ANGPTL2: variants seen among roughly 807,000 people sequenced by gnomAD.
ANGPTL2 encodes angiopoietin like 2.
Under a neutral mutation model 52.8 loss-of-function variants are expected in ANGPTL2, and 25 were observed. The observed-to-expected ratio is 0.47, with a 90% CI of 0.35 to 0.66. The LOEUF is 0.66. Ranked by LOEUF, ANGPTL2 falls within the 30% of genes least tolerant of loss-of-function variation. The pLI, the probability that ANGPTL2 is intolerant of heterozygous loss-of-function variation, is 0.01. For synonymous variants in ANGPTL2, 276 were observed against 277.4 expected (o/e 1.00, Z 0.05); for missense variants, 546 against 656.9 (o/e 0.83, Z 1.84).
chr9:127,089,146 A>G lies in ANGPTL2; in HGVS notation c.1283-8T>C. 21 of 1,614,024 alleles carry G rather than the reference A, an allele frequency of 1.3e-5. No individual in the cohort carries two copies. The highest frequency in any genetic ancestry group is 1.7e-5 in the Non-Finnish European group (20 of 1,179,964). On this transcript the variant is annotated splice_polypyrimidine_tract_variant and splice_region_variant and intron_variant, in intron 4 of 4. Transcript: ENST00000373425. ...GGTAGTGGGCACAGTTTCCTGCAAG[A>G]GAGAAGGCAGTGAGAGGGTGTCTGG...
intron 4 of ANGPTL2, among the ~76,000 whole-genome samples, chr9:127,090,576 A>G (rs954717603): frequency 6.6e-6 from 1 of 152,200 alleles, no homozygotes; most frequent in Non-Finnish European, 1.5e-5. Context: ...GGGACCTGGC[A>G]TGAGGATCCC....
intron 2 of ANGPTL2, among the ~76,000 whole-genome samples, 185 bp from the exon 3 acceptor site, chr9:127,094,111 C>T (rs1262520274): frequency 6.6e-6 from 1 of 152,130 alleles, no homozygotes; most frequent in Non-Finnish European, 1.5e-5. Flanking sequence ...AGCCTCGGAC[C>T]AGGGGTCAGG....
At position 127,091,973 on chromosome 9, in the gene ANGPTL2, G is replaced by C. The variant is rs763578177; in HGVS notation, c.1012-33C>G. Reference sequence around the variant, plus strand: ...AAACCCAGGAGAGTGTTAATGTGGAGCCTGCAGCACCTGCAGCCAGCAGGC... The same window carrying C: ...AAACCCAGGAGAGTGTTAATGTGGACCCTGCAGCACCTGCAGCCAGCAGGC... On this transcript the variant is annotated intron_variant, in intron 3 of 4. Transcript: ENST00000373425. The surrounding 1 kb of genome is among the most constrained non-coding windows in gnomAD (Gnocchi z 4.3). 1.7e-5 allele frequency: 27 copies of C among 1,604,506 alleles called. No homozygotes were observed. Among genetic ancestry groups the C allele is most frequent in the Non-Finnish European group, 2.1e-5 (25 of 1,173,732 alleles).
chr9:127,106,598 A>G (rs2137032708), intron 2 of ANGPTL2, among the ~76,000 whole-genome samples: 1 of 152,328 alleles, frequency 6.6e-6, no homozygotes, highest in African/African-American at 2.4e-5. Context: ...CAGTGGTGGA[A>G]ACCGGATTTA....
intron 1 of ANGPTL2, among the ~76,000 whole-genome samples, chr9:127,109,143 A>G (rs953723965): frequency 2.6e-5 from 4 of 152,110 alleles, no homozygotes; most frequent in African/African-American, 9.7e-5. Flanking sequence ...AGGCAGAGGG[A>G]GGGTTTTCTG....
chr9:127,088,269 A>G lies in ANGPTL2; in HGVS notation c.*670T>C, dbSNP rs1436695428. 2.0e-5 allele frequency: 3 copies of G among 152,198 alleles called. No individual in the cohort carries two copies. The highest frequency in any genetic ancestry group is 1.5e-5 in the Non-Finnish European group (1 of 68,048). 9.4% of individuals were successfully genotyped at this position (152,198 alleles called of 1,614,324 possible). On this transcript the variant is annotated 3_prime_UTR_variant, in exon 5 of 5. Coordinates refer to ENST00000373425, the MANE Select transcript of ANGPTL2 (RefSeq NM_012098.3). Reference sequence around the variant, plus strand: ...AAAATGTGGGGGGAGGGATTTTGAAATTTGATTAGGTGCCAAAAGGGGTTC... The same window carrying G: ...AAAATGTGGGGGGAGGGATTTTGAAGTTTGATTAGGTGCCAAAAGGGGTTC...
chr9:127,091,623 A>C lies in ANGPTL2; in HGVS notation c.1282+47T>G. 6.3e-7 allele frequency: 1 copy of C among 1,585,126 alleles called. No homozygotes were observed. The highest frequency in any genetic ancestry group is 8.6e-7 in the Non-Finnish European group (1 of 1,164,436). ...GAGTCAGGGGCTCTGGCTCTGGTTG[A>C]CCTCTTTTCCCTACCCTGCACCTGG... On this transcript the variant is annotated intron_variant, in intron 4 of 4. Coordinates refer to ENST00000373425, the MANE Select transcript of ANGPTL2 (RefSeq NM_012098.3). This position sits in a 1 kb window ranked among gnomAD's most constrained non-coding sequence, Gnocchi z 4.3.
chr9:127,089,184 C>T (rs1375450161), intron 4 of ANGPTL2, 46 bp from the exon 5 acceptor site: 1 of 1,598,596 alleles, frequency 6.3e-7, no homozygotes, highest in Non-Finnish European at 8.6e-7. Flanking sequence ...GGAGGCCATT[C>T]TACTTGCGTC....
At chr9:127,115,400 C>T (rs892179719) in intron 1 of ANGPTL2, among the ~76,000 whole-genome samples, 2 of 152,076 alleles carry the variant, frequency 1.3e-5, no homozygotes, top group African/African-American at 2.4e-5. Flanking sequence ...ATGCTGGTTG[C>T]GGTCTTATGT....
chr9:127,111,505 C>T (rs1432926949), intron 1 of ANGPTL2, among the ~76,000 whole-genome samples: 1 of 152,196 alleles, frequency 6.6e-6, no homozygotes, highest in Non-Finnish European at 1.5e-5. Context: ...AGCTGCTGAG[C>T]AGCTGGGAGT....
At chr9:127,093,963 C>T in intron 2 of ANGPTL2, 37 bp from the exon 3 acceptor site, 1 of 1,597,494 alleles carries the variant, frequency 6.3e-7, no homozygotes, top group South Asian at 1.1e-5. Flanking sequence ...CACAGACCTG[C>T]CTGTCACCAG....
At chr9:127,089,160 G>A in intron 4 of ANGPTL2, 22 bp from the exon 5 acceptor site, 1 of 1,613,474 alleles carries the variant, frequency 6.2e-7, no homozygotes, top group East Asian at 2.2e-5. Flanking sequence ...AAGGCAGTGA[G>A]AGGGTGTCTG....
chr9:127,112,668 C>T (rs929413413), intron 1 of ANGPTL2, among the ~76,000 whole-genome samples: 1 of 152,254 alleles, frequency 6.6e-6, no homozygotes, highest in Non-Finnish European at 1.5e-5. Context: ...GATGATCCAA[C>T]CCACCTTGCA....
chr9:127,120,226 T>C (rs867091118), intron 1 of ANGPTL2, among the ~76,000 whole-genome samples: 2 of 152,218 alleles, frequency 1.3e-5, no homozygotes, highest in South Asian at 2.1e-4. Flanking sequence ...TTATCCACTA[T>C]GGTTCTGCTG....
intron 2 of ANGPTL2, among the ~76,000 whole-genome samples, chr9:127,094,158 G>T (rs116846258): frequency 1.3e-5 from 2 of 152,066 alleles, no homozygotes; most frequent in Non-Finnish European, 2.9e-5. Context: ...CCTCTCACCC[G>T]CCTCACAGTT....
Position 127,091,657 on chromosome 9 carries a change from C to G in ANGPTL2, c.1282+13G>C, listed in dbSNP as rs1460464066. On this transcript the variant is annotated intron_variant, in intron 4 of 4. Coordinates refer to ENST00000373425, the MANE Select transcript of ANGPTL2 (RefSeq NM_012098.3). The surrounding 1 kb of genome is among the most constrained non-coding windows in gnomAD (Gnocchi z 4.3). ...CCCTACCCTGCACCTGGGTTTGACT[C>G]CACTTTTCCTACCTGTGTAGACATC... is the stretch of plus-strand genomic sequence containing the variant. The G allele has an allele frequency of 1.2e-6, 2 of 1,608,898 alleles. No individual in the cohort carries two copies. The highest frequency in any genetic ancestry group is 2.7e-5 in the African/African-American group (2 of 74,780).
Position 127,091,630 on chromosome 9 carries a change from T to C in ANGPTL2, c.1282+40A>G, listed in dbSNP as rs184100469. On this transcript the variant is annotated intron_variant, in intron 4 of 4. Transcript: ENST00000373425. The surrounding 1 kb of genome is among the most constrained non-coding windows in gnomAD (Gnocchi z 4.3). Reference sequence around the variant, plus strand: ...GGGCTCTGGCTCTGGTTGACCTCTTTTCCCTACCCTGCACCTGGGTTTGAC... The same window carrying C: ...GGGCTCTGGCTCTGGTTGACCTCTTCTCCCTACCCTGCACCTGGGTTTGAC... 6.3e-7 allele frequency: 1 copy of C among 1,594,446 alleles called. No individual in the cohort carries two copies. Among genetic ancestry groups the C allele is most frequent in the Non-Finnish European group, 8.6e-7 (1 of 1,168,692 alleles).
intron 2 of ANGPTL2, among the ~76,000 whole-genome samples, chr9:127,101,146 T>C (rs890755744): frequency 1.3e-5 from 2 of 152,220 alleles, no homozygotes; most frequent in African/African-American, 4.8e-5. Context: ...CCCAAAATGC[T>C]TTGTATATTT....
chr9:127,120,425 C>T (rs1466252735), intron 1 of ANGPTL2, among the ~76,000 whole-genome samples: 1 of 152,224 alleles, frequency 6.6e-6, no homozygotes, highest in African/African-American at 2.4e-5. Context: ...TCCTCAGGCT[C>T]CTGGAAAGCC....
Sources: allele counts gnomAD v4.1 joint callset (sites outside exome capture counted in the v4.1 genomes callset), GRCh38; gene constraint gnomAD v4.1.1; non-coding constraint Gnocchi (gnomAD v3.1); transcripts MANE v1.5; gene names NCBI Gene and HGNC (gene_info 2026-07-23, HGNC 2026-07-21).